ITGA11: variants seen among roughly 807,000 people sequenced by gnomAD.
ITGA11 encodes integrin alpha-11.
In ITGA11, 97 loss-of-function variants were observed where a neutral mutation model predicts 141.9. That is an observed-to-expected ratio of 0.68 (90% CI 0.58 to 0.81). The LOEUF is 0.81. Ranked by LOEUF, ITGA11 falls within the 30% of genes least tolerant of loss-of-function variation. The pLI is 0.00. For missense variants in ITGA11, 1,387 were observed against 1,559.2 expected, an observed-to-expected ratio of 0.89 and a Z score of 1.86; for synonymous variants, 658 against 624.6, an observed-to-expected ratio of 1.05 and a Z score of -0.80.
intron 2 of ITGA11, among the ~76,000 whole-genome samples, chr15:68,393,310 A>G (rs1025929049): frequency 6.6e-6 from 1 of 152,216 alleles, no homozygotes; most frequent in Non-Finnish European, 1.5e-5. Flanking sequence ...GACAAAAGCT[A>G]TATTTTTAAA....
At chr15:68,364,430 TC>T (rs1895349661) in intron 4 of ITGA11, among the ~76,000 whole-genome samples, 1 of 152,222 alleles carries the variant, frequency 6.6e-6, no homozygotes, top group Non-Finnish European at 1.5e-5. Context: ...TGGCTGTTCC[TC>T]CCTCCTTCGG....
At chr15:68,363,870 G>A (rs1895333272) in intron 4 of ITGA11, among the ~76,000 whole-genome samples, 1 of 152,128 alleles carries the variant, frequency 6.6e-6, no homozygotes, top group African/African-American at 2.4e-5. Flanking sequence ...GCTCACCTGG[G>A]CACAGAACAG....
rs1339249659 is a variant in ITGA11 at position 68,322,538 on chromosome 15, G to T, written c.2323-1035C>A. ...GGGTGTCAGCTGAGTTTCTTTTTTA[G>T]GTGTCTAGAAGGATAATCATGGCAT... On this transcript the variant is annotated intron_variant, in intron 18 of 29. Transcript: ENST00000315757. The surrounding 1 kb of genome is among the most constrained non-coding windows in gnomAD (Gnocchi z 5.6). Among the ~76,000 whole-genome samples, 3 of 152,076 alleles carry T rather than the reference G, an allele frequency of 2.0e-5. No homozygotes were observed. The highest frequency in any genetic ancestry group is 7.2e-5 in the African/African-American group (3 of 41,390).
chr15:68,405,668 A>G (rs1896633853), intron 1 of ITGA11, among the ~76,000 whole-genome samples: 1 of 152,146 alleles, frequency 6.6e-6, no homozygotes, highest in African/African-American at 2.4e-5. Flanking sequence ...CTGGCCAGTG[A>G]AGGCATGTCA....
At chr15:68,363,139 T>A (rs1349305659) in intron 4 of ITGA11, among the ~76,000 whole-genome samples, 1 of 152,082 alleles carries the variant, frequency 6.6e-6, no homozygotes, top group Non-Finnish European at 1.5e-5. Context: ...TATAGACAGA[T>A]GGGTAGATGA....
rs1180151091 is a variant in ITGA11 at position 68,297,513 on chromosome 15, TTG to T, written c.*5544_*5545del. On this transcript the variant is annotated 3_prime_UTR_variant, in exon 30 of 30. Coordinates refer to ENST00000315757, the MANE Select transcript of ITGA11 (RefSeq NM_001004439.2). ...ATACACCTGTATCCAGAGTTTTGTT[TTG>T]TTTTTTTTTTTAGGTTTTTCTTTTT... is the stretch of plus-strand genomic sequence containing the variant. The T allele has an allele frequency of 8.3e-6, 1 of 121,102 alleles. No homozygotes were observed. The highest frequency in any genetic ancestry group is 1.7e-5 in the Non-Finnish European group (1 of 59,562). The allele number at this position is 121,102 out of a possible 1,614,324, so 7.5% of individuals were successfully genotyped here.
At chr15:68,421,873 G>A (rs1015603445) in intron 1 of ITGA11, among the ~76,000 whole-genome samples, 9 of 152,110 alleles carry the variant, frequency 5.9e-5, no homozygotes, top group African/African-American at 1.7e-4. Context: ...AGTGGCAACC[G>A]GGACATGTTC....
At chr15:68,323,149 T>A (rs1426117375) in intron 18 of ITGA11, among the ~76,000 whole-genome samples, 2 of 152,182 alleles carry the variant, frequency 1.3e-5, no homozygotes, top group African/African-American at 4.8e-5. Context: ...GATCTACCCA[T>A]CTCGCCCCTC....
chr15:68,333,099 C>A lies in ITGA11; in HGVS notation c.1426-621G>T, dbSNP rs546220031. Among the ~76,000 whole-genome samples the A allele has an allele frequency of 1.0e-5, 1 of 99,236 alleles. No homozygotes were observed. Among genetic ancestry groups the A allele is most frequent in the Non-Finnish European group, 1.9e-5 (1 of 51,360 alleles). The allele number at this position is 99,236 out of a possible 152,430, so 65.1% of individuals were successfully genotyped here. ...ATGTGTTTAATCAGTTATTGCTGGA[C>A]GGTTAGCTTTTTTTTTTTGAGGCAA... On this transcript the variant is annotated intron_variant, in intron 12 of 29. Transcript: ENST00000315757. The surrounding 1 kb of genome is among the most constrained non-coding windows in gnomAD (Gnocchi z 4.2).
At chr15:68,413,466 C>G (rs1215323011) in intron 1 of ITGA11, among the ~76,000 whole-genome samples, 1 of 152,196 alleles carries the variant, frequency 6.6e-6, no homozygotes, top group Admixed American at 6.5e-5. Context: ...GTGTTCAGAG[C>G]TTACAGCCCC....
intron 7 of ITGA11, among the ~76,000 whole-genome samples, chr15:68,354,708 TCCATG>T: frequency 6.6e-6 from 1 of 152,262 alleles, no homozygotes; most frequent in African/African-American, 2.4e-5. Context: ...CCTTGGCCAC[TCCATG>T]GGGGCCCCTC....
At chr15:68,403,120 T>C in intron 1 of ITGA11, 91 bp from the exon 2 acceptor site, 3 of 816,018 alleles carry the variant, frequency 3.7e-6, no homozygotes, top group South Asian at 3.1e-5. Context: ...TGGCAGGTCA[T>C]GAACCTTGGA....
chr15:68,352,798 G>T (rs1894955244), intron 7 of ITGA11, among the ~76,000 whole-genome samples: 2 of 151,456 alleles, frequency 1.3e-5, no homozygotes, highest in Non-Finnish European at 2.9e-5. Flanking sequence ...CAGCAGGGCT[G>T]GCACCTCGAC....
At chr15:68,313,916 C>T (rs751836638) in intron 22 of ITGA11, 48 bp from the exon 23 acceptor site, 2 of 1,479,542 alleles carry the variant, frequency 1.4e-6, no homozygotes, top group South Asian at 1.1e-5. Context: ...TCAGCCAGCA[C>T]AGGCAGCGGG....
intron 2 of ITGA11, among the ~76,000 whole-genome samples, chr15:68,381,623 T>C (rs538048048): frequency 3.4e-4 from 52 of 152,200 alleles, no homozygotes; most frequent in Non-Finnish European, 1.6e-4. Context: ...TGGCATCATC[T>C]TGGCTCACTG....
intron 1 of ITGA11, among the ~76,000 whole-genome samples, chr15:68,423,999 G>A (rs1224118407): frequency 1.3e-5 from 2 of 152,092 alleles, no homozygotes; most frequent in South Asian, 2.1e-4. Context: ...AGAACCCCCC[G>A]CCCCAGTGCC....
chr15:68,334,313 T>G (rs905037226), intron 12 of ITGA11, among the ~76,000 whole-genome samples: 1 of 152,200 alleles, frequency 6.6e-6, no homozygotes, highest in East Asian at 1.9e-4. Flanking sequence ...GTGAGCCCCA[T>G]GCTGCTAGGA....
At chr15:68,423,803 C>T (rs1051438130) in intron 1 of ITGA11, among the ~76,000 whole-genome samples, 2 of 152,130 alleles carry the variant, frequency 1.3e-5, no homozygotes, top group African/African-American at 2.4e-5. Flanking sequence ...CCGGCCTCCT[C>T]CTTCTTGTTG....
chr15:68,346,475 G>T (rs1299400344), intron 10 of ITGA11, among the ~76,000 whole-genome samples: 2 of 152,214 alleles, frequency 1.3e-5, no homozygotes, highest in East Asian at 1.9e-4. Flanking sequence ...TTATTTAAGA[G>T]TCTTTCTCCC....
Sources: allele counts gnomAD v4.1 joint callset (sites outside exome capture counted in the v4.1 genomes callset), GRCh38; gene constraint gnomAD v4.1.1; non-coding constraint Gnocchi (gnomAD v3.1); transcripts MANE v1.5; gene names NCBI Gene and HGNC (gene_info 2026-07-23, HGNC 2026-07-21).